Variants in WDR70 observed in about 807,000 individuals in gnomAD.
WDR70 encodes the protein WD repeat-containing protein 70.
Under a neutral mutation model 88.6 loss-of-function variants are expected in WDR70, and 53 were observed. The ratio of observed to expected loss-of-function variants is 0.60; its 90% confidence interval spans 0.48 to 0.75. The LOEUF (loss-of-function observed/expected upper bound fraction) is 0.75. Ranked by LOEUF, WDR70 falls within the 30% of genes least tolerant of loss-of-function variation. WDR70 has a pLI of 0.00. For missense variants in WDR70, 610 were observed against 823.2 expected (o/e 0.74, Z 3.17); for synonymous variants, 280 against 270.0 (o/e 1.04, Z -0.36).
chr5:37,612,103 G>A (rs1432192363), intron 10 of WDR70, among the ~76,000 whole-genome samples: 2 of 152,090 alleles, frequency 1.3e-5, no homozygotes, highest in African/African-American at 2.4e-5. Flanking sequence ...TCTAAGGAGA[G>A]GGAGTAGTTG....
At chr5:37,499,587 TTCTCTCTCTC>T (rs72226896) in intron 8 of WDR70, among the ~76,000 whole-genome samples, 12 of 41,854 alleles carry the variant, frequency 2.9e-4, no homozygotes, top group Admixed American at 1.9e-3. Flanking sequence ...TTTGGAAATA[TTCTCTCTCTC>T]TCTCTCTCTC....
intron 13 of WDR70, among the ~76,000 whole-genome samples, chr5:37,703,515 T>C (rs1747228515): frequency 6.6e-6 from 1 of 152,248 alleles, no homozygotes; most frequent in South Asian, 2.1e-4. Flanking sequence ...TTGTGTGGGT[T>C]GTAGTCATTA....
chr5:37,643,820 T>C (rs1295105705), intron 10 of WDR70, among the ~76,000 whole-genome samples: 4 of 152,074 alleles, frequency 2.6e-5, no homozygotes, highest in Non-Finnish European at 2.9e-5. Context: ...CTACTGACTT[T>C]TGTATGTTGA....
intron 7 of WDR70, among the ~76,000 whole-genome samples, chr5:37,472,284 C>T (rs1739349313): frequency 6.6e-6 from 1 of 151,934 alleles, no homozygotes; most frequent in Non-Finnish European, 1.5e-5. Flanking sequence ...CTTTTTCATT[C>T]TATGTCCCTC....
chr5:37,571,497 A>G (rs1025842482), intron 9 of WDR70, among the ~76,000 whole-genome samples: 4 of 152,192 alleles, frequency 2.6e-5, no homozygotes, highest in African/African-American at 9.7e-5. Flanking sequence ...TTTTAAGTCC[A>G]TGTATTCATT....
chr5:37,563,446 T>C (rs796198190), intron 9 of WDR70, among the ~76,000 whole-genome samples: 36 of 19,482 alleles, frequency 1.8e-3, no homozygotes, highest in Middle Eastern at 0.029. Flanking sequence ...CCCCACATCC[T>C]TCCCGGACGG....
chr5:37,535,900 T>G (rs971677128), intron 9 of WDR70, among the ~76,000 whole-genome samples: 5 of 152,236 alleles, frequency 3.3e-5, no homozygotes, highest in African/African-American at 1.2e-4. Context: ...CTGAGTGGTT[T>G]GTACACTTTA....
intron 9 of WDR70, among the ~76,000 whole-genome samples, chr5:37,581,371 A>G (rs917744598): frequency 3.3e-5 from 5 of 152,208 alleles, no homozygotes; most frequent in Non-Finnish European, 5.9e-5. Context: ...ATAACTATAA[A>G]GTATTTCCCA....
In WDR70 at chr5:37,604,799, T is replaced by C. The variant is rs757386095; in HGVS notation, c.918-265T>C. Among the ~76,000 whole-genome samples, 8 of 152,214 alleles carry C rather than the reference T, an allele frequency of 5.3e-5. 1 individual carries two copies. The highest frequency in any genetic ancestry group is 7.3e-5 in the Non-Finnish European group (5 of 68,036). On this transcript the variant is annotated intron_variant, in intron 9 of 17. Transcript: ENST00000265107. ...GCCACTTAGAGAGGGACAGAATTAA[T>C]AACGTTGATCGATTGGAAGTAGAAT...
intron 5 of WDR70, among the ~76,000 whole-genome samples, chr5:37,417,867 G>A (rs1371365622): frequency 6.6e-6 from 1 of 152,168 alleles, no homozygotes; most frequent in Non-Finnish European, 1.5e-5. Flanking sequence ...TAATGTCCAG[G>A]TATTCAGCAG....
At chr5:37,596,543 T>A (rs1743706047) in intron 9 of WDR70, among the ~76,000 whole-genome samples, 1 of 152,206 alleles carries the variant, frequency 6.6e-6, no homozygotes, top group Non-Finnish European at 1.5e-5. Flanking sequence ...TACTCTTTCC[T>A]CTGCCAGTAA....
rs781273633 is a variant in WDR70, at chr5:37,605,199, C to G, written c.1053C>G (p.Cys351Trp). 6.2e-7 allele frequency: 1 copy of G among 1,610,828 alleles called. No individual in the cohort carries two copies. Among genetic ancestry groups the G allele is most frequent in the Non-Finnish European group, 8.5e-7 (1 of 1,178,420 alleles). Residue 351 changes from cysteine to tryptophan, a missense_variant, in exon 10 of 18, where the codon TGC (cysteine) becomes TGG (tryptophan). Physicochemically the swap from Cys to Trp is radical, Grantham distance 215 (BLOSUM62 -2). Coordinates refer to ENST00000265107, the MANE Select transcript of WDR70 (RefSeq NM_018034.4). ...SRDGNLIAAA[C>W]QNGSIQIWDR... ...ATGGAAACCTCATAGCAGCTGCCTG[C>G]CAGAATGGAAGCATACAGATCTGGG... is the stretch of plus-strand genomic sequence containing the variant.
In WDR70 at chr5:37,392,027, A is replaced by G; in HGVS notation, c.203A>G (p.Asn68Ser). ...LEAREKEEEM[N>S]REKELRRQNE... ...GCAAGAGAAAAAGAGGAAGAAATGAACAGAGAGAAAGAATTAAGAAGACAA... is the reference window on the plus strand; with the variant it reads ...GCAAGAGAAAAAGAGGAAGAAATGAGCAGAGAGAAAGAATTAAGAAGACAA... The change falls in exon 4 of 18, where the codon AAC (asparagine) becomes AGC (serine). Residue 68 changes from asparagine (N) to serine (S), a missense_variant. By Grantham distance (46) the Asn-to-Ser change is conservative (BLOSUM62 1). Transcript: ENST00000265107. 1 of 1,610,470 alleles carries G rather than the reference A, an allele frequency of 6.2e-7. No individual in the cohort carries two copies. The highest frequency in any genetic ancestry group is 8.5e-7 in the Non-Finnish European group (1 of 1,179,038).
intron 17 of WDR70, among the ~76,000 whole-genome samples, chr5:37,734,911 A>G (rs1748257588): frequency 6.6e-6 from 1 of 152,104 alleles, no homozygotes; most frequent in Non-Finnish European, 1.5e-5. Context: ...CGACCGTTAT[A>G]TGATTGTAGT....
At chr5:37,512,727 G>T (rs1024953591) in intron 8 of WDR70, among the ~76,000 whole-genome samples, 1 of 151,206 alleles carries the variant, frequency 6.6e-6, no homozygotes, top group Non-Finnish European at 1.5e-5. Context: ...GACTACCGTT[G>T]TGTGCCACCA....
intron 7 of WDR70, among the ~76,000 whole-genome samples, chr5:37,462,821 C>T (rs1268977327): frequency 4.6e-5 from 7 of 151,558 alleles, no homozygotes; most frequent in Non-Finnish European, 2.9e-5. Context: ...ATTTTTAATC[C>T]TCACCCAATT....
At chr5:37,484,333 A>G (rs1348810391) in intron 8 of WDR70, among the ~76,000 whole-genome samples, 1 of 152,238 alleles carries the variant, frequency 6.6e-6, no homozygotes, top group Non-Finnish European at 1.5e-5. Context: ...CTGGCAGATC[A>G]CTTGCGGTTA....
In WDR70 at chr5:37,539,632, A is replaced by G. The variant is rs185706119; in HGVS notation, c.917+23042A>G. Among the ~76,000 whole-genome samples the G allele has an allele frequency of 7.0e-4, 106 of 152,306 alleles. 1 individual carries two copies. The East Asian group carries it at 0.019, about 27-fold the overall frequency. On this transcript the variant is annotated intron_variant, in intron 9 of 17. Coordinates refer to ENST00000265107, the MANE Select transcript of WDR70 (RefSeq NM_018034.4). ...AACAGAGAGGGGGAAGTGTTAGAGG[A>G]ACTTAAGACTTGCACACATGTACAA...
intron 17 of WDR70, among the ~76,000 whole-genome samples, chr5:37,730,017 G>A (rs1748098780): frequency 6.6e-6 from 1 of 152,118 alleles, no homozygotes; most frequent in African/African-American, 2.4e-5. Flanking sequence ...CCTATGTGAA[G>A]GGTAGCATAA....
Sources: gnomAD v4.1 joint callset for allele counts (sites outside exome capture counted in the v4.1 genomes callset) on GRCh38, gnomAD v4.1.1 for gene constraint, MANE v1.5 for transcripts, NCBI Gene and HGNC (gene_info 2026-07-23, HGNC 2026-07-21) for gene names.